The following OTUD7A variants were observed in gnomAD, a reference collection of about 807,000 sequenced individuals.
The protein encoded by OTUD7A is OTU domain-containing protein 7A.
A neutral mutation model predicts 65.7 loss-of-function variants in OTUD7A; 12 were observed. That is an observed-to-expected ratio of 0.18 (90% CI 0.12 to 0.30). The LOEUF (loss-of-function observed/expected upper bound fraction) is 0.30. Among genes scored for constraint, OTUD7A ranks in the 10% least tolerant of loss-of-function variants. OTUD7A has a pLI of 1.00. For synonymous variants in OTUD7A, 641 were observed against 586.3 expected (o/e 1.09, Z -1.35); for missense variants, 1,148 against 1,304.8 (o/e 0.88, Z 1.85).
intron 1 of OTUD7A, among the ~76,000 whole-genome samples, chr15:31,742,093 A>G (rs1444615457): frequency 6.6e-6 from 1 of 152,098 alleles, no homozygotes; most frequent in African/African-American, 2.4e-5. Flanking sequence ...TTTTCTTTAT[A>G]AAAGGATCTC....
intron 3 of OTUD7A, among the ~76,000 whole-genome samples, chr15:31,613,048 G>A (rs1890478017): frequency 1.3e-5 from 2 of 152,108 alleles, no homozygotes; most frequent in African/African-American, 4.8e-5. Context: ...GTGGGGAAAG[G>A]ACACCCTTTT....
intron 1 of OTUD7A, among the ~76,000 whole-genome samples, chr15:31,670,440 C>T (rs1367273526): frequency 6.6e-6 from 1 of 152,152 alleles, no homozygotes; most frequent in Non-Finnish European, 1.5e-5. Context: ...TCACCAGCAT[C>T]TGTTGCTTCT....
At chr15:31,694,620 A>C (rs888042423) in intron 1 of OTUD7A, among the ~76,000 whole-genome samples, 48 of 151,314 alleles carry the variant, frequency 3.2e-4, no homozygotes, top group African/African-American at 1.2e-3. Flanking sequence ...ATCTCAACCC[A>C]CCCCACCTCC....
chr15:31,498,248 T>G lies in OTUD7A; in HGVS notation c.1171+3442A>C, dbSNP rs1474948773. On this transcript the variant is annotated intron_variant, in intron 10 of 12. Transcript: ENST00000307050. The surrounding 1 kb of genome is among the most constrained non-coding windows in gnomAD (Gnocchi z 4.2). ...CCCACATATGGGTGCCAGGATCTGATTGCTTCATTGAGTTTTGCAGTATGG... is the reference window on the plus strand; with the variant it reads ...CCCACATATGGGTGCCAGGATCTGAGTGCTTCATTGAGTTTTGCAGTATGG... Among the ~76,000 whole-genome samples the G allele has an allele frequency of 6.6e-6, 1 of 152,214 alleles. No individual in the cohort carries two copies. Among genetic ancestry groups the G allele is most frequent in the African/African-American group, 2.4e-5 (1 of 41,454 alleles).
intron 3 of OTUD7A, among the ~76,000 whole-genome samples, chr15:31,600,419 T>C (rs1194542169): frequency 4.6e-5 from 7 of 152,192 alleles, no homozygotes; most frequent in Middle Eastern, 3.2e-3. Context: ...CTGAGAGATT[T>C]TGTGACCACC....
At chr15:31,661,791 A>C (rs1595693097) in intron 1 of OTUD7A, among the ~76,000 whole-genome samples, 1 of 152,240 alleles carries the variant, frequency 6.6e-6, no homozygotes, top group Admixed American at 6.5e-5. Flanking sequence ...GTAAGTTCAC[A>C]TATTTACTTT....
At chr15:31,660,547 C>T (rs1235560452) in intron 1 of OTUD7A, among the ~76,000 whole-genome samples, 5 of 152,138 alleles carry the variant, frequency 3.3e-5, no homozygotes, top group Admixed American at 6.5e-5. Context: ...AGCTTGGCCA[C>T]GTATATTACT....
chr15:31,805,675 G>C (rs1896251523), intron 1 of OTUD7A, among the ~76,000 whole-genome samples: 1 of 152,182 alleles, frequency 6.6e-6, no homozygotes, highest in South Asian at 2.1e-4. Flanking sequence ...TGAATGTGAA[G>C]AGAGTTACAG....
chr15:31,679,716 AT>A (rs1368144299), intron 1 of OTUD7A, among the ~76,000 whole-genome samples: 3 of 152,202 alleles, frequency 2.0e-5, no homozygotes, highest in Non-Finnish European at 4.4e-5. Flanking sequence ...CTGTGAGCCA[AT>A]TAAACCTCTT....
chr15:31,762,479 C>T (rs575796436), intron 1 of OTUD7A, among the ~76,000 whole-genome samples: 1 of 152,334 alleles, frequency 6.6e-6, no homozygotes, highest in South Asian at 2.1e-4. Context: ...AGGAGGAGCT[C>T]AAGAAAGTAA....
intron 1 of OTUD7A, among the ~76,000 whole-genome samples, chr15:31,792,896 C>G (rs996706615): frequency 6.6e-6 from 1 of 152,148 alleles, no homozygotes; most frequent in Admixed American, 6.5e-5. Flanking sequence ...TAGTGGCAGG[C>G]TGCCCCCCTG....
intron 1 of OTUD7A, among the ~76,000 whole-genome samples, chr15:31,795,766 G>A (rs1400270715): frequency 1.3e-5 from 2 of 152,200 alleles, no homozygotes; most frequent in Admixed American, 1.3e-4. Flanking sequence ...CCACTCCACA[G>A]CTGGGTGACT....
At chr15:31,503,983 A>G (rs1316905074) in intron 8 of OTUD7A, among the ~76,000 whole-genome samples, 165 bp from the exon 9 acceptor site, 2 of 152,176 alleles carry the variant, frequency 1.3e-5, no homozygotes, top group African/African-American at 4.8e-5. Context: ...CCATCCGCCG[A>G]TGGCAAATGC....
chr15:31,682,312 T>C (rs1892736416), intron 1 of OTUD7A, among the ~76,000 whole-genome samples: 1 of 152,238 alleles, frequency 6.6e-6, no homozygotes, highest in African/African-American at 2.4e-5. Flanking sequence ...ATGTCAAGTA[T>C]AGTCACACTG....
intron 9 of OTUD7A, among the ~76,000 whole-genome samples, chr15:31,503,034 T>A (rs1372288220): frequency 6.6e-6 from 1 of 152,220 alleles, no homozygotes; most frequent in Non-Finnish European, 1.5e-5. Flanking sequence ...AGGCTTTGGA[T>A]CACTCCCTGC....
chr15:31,850,464 A>AT, intron 1 of OTUD7A, among the ~76,000 whole-genome samples: 1 of 152,296 alleles, frequency 6.6e-6, no homozygotes, highest in East Asian at 1.9e-4. Flanking sequence ...AATGTAAATG[A>AT]TGAGTTAATG....
At chr15:31,847,457 A>G (rs1897317632) in intron 1 of OTUD7A, among the ~76,000 whole-genome samples, 1 of 152,216 alleles carries the variant, frequency 6.6e-6, no homozygotes, top group East Asian at 1.9e-4. Context: ...GTCCCAGGTC[A>G]CAGTGACTTG....
intron 3 of OTUD7A, among the ~76,000 whole-genome samples, chr15:31,623,860 G>A (rs1473967957): frequency 2.0e-5 from 3 of 152,200 alleles, no homozygotes; most frequent in Admixed American, 6.5e-5. Context: ...CATCGCTCAC[G>A]CTGGGAGCTG....
chr15:31,762,197 T>G (rs951934678), intron 1 of OTUD7A, among the ~76,000 whole-genome samples: 1 of 152,230 alleles, frequency 6.6e-6, no homozygotes, highest in East Asian at 1.9e-4. Context: ...ATCAATGATG[T>G]GGTAGCAATT....
Sources: allele counts gnomAD v4.1 joint callset (sites outside exome capture counted in the v4.1 genomes callset), GRCh38; gene constraint gnomAD v4.1.1; non-coding constraint Gnocchi (gnomAD v3.1); transcripts MANE v1.5; gene names NCBI Gene and HGNC (gene_info 2026-07-23, HGNC 2026-07-21).